The following RBFOX1 variants were observed in gnomAD, a reference collection of about 807,000 sequenced individuals.
RBFOX1 encodes the protein RNA binding fox-1 homolog 1.
Under a neutral mutation model 57.7 loss-of-function variants are expected in RBFOX1, and 8 were observed. The observed-to-expected ratio is 0.14, with a 90% CI of 0.08 to 0.25. The LOEUF is 0.25. Among genes scored for constraint, RBFOX1 ranks in the 10% least tolerant of loss-of-function variants. The pLI, the probability that RBFOX1 is intolerant of heterozygous loss-of-function variation, is 1.00. For missense variants in RBFOX1, 611 were observed against 548.5 expected (o/e 1.11, Z -1.14); for synonymous variants, 326 against 222.4 (o/e 1.47, Z -4.15).
chr16:6,526,891 A>G (rs913107597), intron 2 of RBFOX1, among the ~76,000 whole-genome samples: 1 of 149,048 alleles, frequency 6.7e-6, no homozygotes, highest in Admixed American at 6.7e-5. Flanking sequence ...TCTAAGAGGT[A>G]GGTATTATTA....
chr16:6,896,821 A>C (rs2067036632), intron 3 of RBFOX1, among the ~76,000 whole-genome samples: 1 of 152,206 alleles, frequency 6.6e-6, no homozygotes, highest in Non-Finnish European at 1.5e-5. Context: ...ATGAGTTTAT[A>C]GGATAGAAAG....
Position 6,436,282 on chromosome 16 carries a change from A to G in RBFOX1, c.-64+119225A>G, listed in dbSNP as rs910736677. Among the ~76,000 whole-genome samples the G allele has an allele frequency of 3.9e-5, 6 of 152,322 alleles. 1 individual carries two copies. Among genetic ancestry groups the G allele is most frequent in the Non-Finnish European group, 7.4e-5 (5 of 68,024 alleles). On this transcript the variant is annotated intron_variant, in intron 2 of 15. Coordinates refer to ENST00000550418, the MANE Select transcript of RBFOX1 (RefSeq NM_018723.4). ...GAATGGTAATGCAGTATCTTGAATT[A>G]CCAGTGAAATTACTTTTCCTCCTCT...
chr16:5,331,223 A>G (rs2064746689), intron 1 of RBFOX1, among the ~76,000 whole-genome samples: 1 of 152,182 alleles, frequency 6.6e-6, no homozygotes. Flanking sequence ...GGCTTGGCCC[A>G]GCTCGGGAAG....
chr16:6,249,382 A>G (rs8048354), intron 1 of RBFOX1, among the ~76,000 whole-genome samples: 21,238 of 152,092 alleles, frequency 0.14, 1,602 homozygotes, highest in Middle Eastern at 0.3. Context: ...AAAATTAGCC[A>G]GACATGGTTT....
rs570793438 is a variant in RBFOX1 at position 6,344,999 on chromosome 16, T to C, written c.-64+27942T>C. Among the ~76,000 whole-genome samples, 4 of 152,228 alleles carry C rather than the reference T, an allele frequency of 2.6e-5. No individual in the cohort carries two copies. In the East Asian group the frequency reaches 7.7e-4, roughly 29 times the overall value. On this transcript the variant is annotated intron_variant, in intron 2 of 15. Transcript: ENST00000550418. ...AGAATCTTTGTGAGCATCAAGTCTG[T>C]CATTTGTAAAACAAGAACAATATAT...
intron 5 of RBFOX1, 118 bp downstream of exon 5, chr16:7,518,507 A>T: frequency 7.4e-7 from 1 of 1,343,546 alleles, no homozygotes; most frequent in Admixed American, 2.6e-5. Flanking sequence ...ATCAGTCCCT[A>T]AGCCCACCCT....
intron 4 of RBFOX1, among the ~76,000 whole-genome samples, chr16:7,069,352 A>G (rs887439005): frequency 7.2e-5 from 11 of 151,924 alleles, no homozygotes; most frequent in Admixed American, 3.3e-4. Context: ...TCTCCCTCCC[A>G]TCAGTCTCCC....
intron 3 of RBFOX1, among the ~76,000 whole-genome samples, chr16:5,676,312 C>T (rs1230625951): frequency 6.6e-6 from 1 of 151,808 alleles, no homozygotes; most frequent in Non-Finnish European, 1.5e-5. Context: ...TGTATCCATT[C>T]ATCTATACTT....
intron 2 of RBFOX1, among the ~76,000 whole-genome samples, chr16:6,612,438 C>G (rs147773619): frequency 6.6e-6 from 1 of 152,102 alleles, no homozygotes; most frequent in African/African-American, 2.4e-5. Context: ...TCTCTAATTA[C>G]GTATATTGAC....
chr16:5,467,996 G>C (rs1033367003), intron 2 of RBFOX1, among the ~76,000 whole-genome samples: 11 of 152,208 alleles, frequency 7.2e-5, no homozygotes, highest in African/African-American at 2.7e-4. Flanking sequence ...GATGGTTTAA[G>C]TGGCAAAGGA....
chr16:6,233,303 G>A (rs900087658), intron 1 of RBFOX1, among the ~76,000 whole-genome samples: 5 of 152,078 alleles, frequency 3.3e-5, no homozygotes, highest in Non-Finnish European at 5.9e-5. Context: ...CATGATTGCA[G>A]GGTGAGGTTT....
intron 4 of RBFOX1, among the ~76,000 whole-genome samples, chr16:7,247,898 G>T (rs1413372882): frequency 6.6e-6 from 1 of 152,094 alleles, no homozygotes; most frequent in Admixed American, 6.5e-5. Flanking sequence ...GAGGGTGGAG[G>T]GTGGGAGTAG....
intron 4 of RBFOX1, among the ~76,000 whole-genome samples, chr16:7,401,309 A>T (rs1171467662): frequency 1.3e-5 from 2 of 152,230 alleles, no homozygotes; most frequent in African/African-American, 4.8e-5. Flanking sequence ...TTTAAATAGC[A>T]TCTGAATTAC....
intron 1 of RBFOX1, among the ~76,000 whole-genome samples, chr16:6,240,611 A>G (rs993865166): frequency 2.6e-5 from 4 of 152,048 alleles, no homozygotes; most frequent in Admixed American, 6.6e-5. Context: ...CCCTTTCCCA[A>G]TATAAACCTT....
intron 10 of RBFOX1, among the ~76,000 whole-genome samples, chr16:7,626,730 A>T (rs1292458860): frequency 6.6e-6 from 1 of 152,208 alleles, no homozygotes; most frequent in Non-Finnish European, 1.5e-5. Context: ...AACTTCAGGC[A>T]TGCAAATTTC....
At chr16:6,837,499 C>T (rs1039742870) in intron 3 of RBFOX1, among the ~76,000 whole-genome samples, 2 of 152,140 alleles carry the variant, frequency 1.3e-5, no homozygotes, top group Admixed American at 6.5e-5. Context: ...TGAACATAAC[C>T]ATGTCCTATG....
At position 7,648,035 on chromosome 16, in the gene RBFOX1, C is replaced by T. The variant is rs551540168; in HGVS notation, c.758-5780C>T. On this transcript the variant is annotated intron_variant, in intron 11 of 15. Coordinates refer to ENST00000550418, the MANE Select transcript of RBFOX1 (RefSeq NM_018723.4). ...CCATGTTCCAGAATCCTACAGACCACCACACCTGTAGGCAAATAATAAAAG... is the reference window on the plus strand; with the variant it reads ...CCATGTTCCAGAATCCTACAGACCATCACACCTGTAGGCAAATAATAAAAG... Among the ~76,000 whole-genome samples, 29 of 152,258 alleles carry T rather than the reference C, an allele frequency of 1.9e-4. No homozygotes were observed. The South Asian group carries it at 5.8e-3, about 30-fold the overall frequency.
chr16:5,937,926 C>G (rs528468843), intron 4 of RBFOX1, among the ~76,000 whole-genome samples: 40 of 151,900 alleles, frequency 2.6e-4, no homozygotes, highest in African/African-American at 9.2e-4. Flanking sequence ...TTATCGATGT[C>G]AAATATATGT....
intron 3 of RBFOX1, among the ~76,000 whole-genome samples, chr16:6,819,248 A>G (rs1303138930): frequency 6.6e-6 from 1 of 152,160 alleles, no homozygotes; most frequent in South Asian, 2.1e-4. Flanking sequence ...ATCCTGCATC[A>G]TTTAACTTTG....
Sources: gnomAD v4.1 joint callset for allele counts (sites outside exome capture counted in the v4.1 genomes callset) on GRCh38, gnomAD v4.1.1 for gene constraint, MANE v1.5 for transcripts, NCBI Gene and HGNC (gene_info 2026-07-23, HGNC 2026-07-21) for gene names.